The following EFEMP1 variants were observed in gnomAD, a reference collection of about 807,000 sequenced individuals.
The protein encoded by EFEMP1 is EGF-containing fibulin-like extracellular matrix protein 1.
In EFEMP1, 18 loss-of-function variants were observed where a neutral mutation model predicts 65.7. The observed-to-expected ratio is 0.27, with a 90% CI of 0.19 to 0.41. The LOEUF is 0.41. Among genes scored for constraint, EFEMP1 ranks in the 10% least tolerant of loss-of-function variants. The pLI, the probability that EFEMP1 is intolerant of heterozygous loss-of-function variation, is 1.00. For missense variants in EFEMP1, 469 were observed against 624.8 expected (o/e 0.75, Z 2.66); for synonymous variants, 237 against 219.7 (o/e 1.08, Z -0.70).
chr2:55,892,811 A>C lies in EFEMP1; in HGVS notation c.518-11077T>G, dbSNP rs150246847. Among the ~76,000 whole-genome samples the C allele has an allele frequency of 3.6e-4, 55 of 152,210 alleles. No homozygotes were observed. The East Asian group carries it at 8.5e-3, about 23-fold the overall frequency. Reference sequence around the variant, plus strand: ...GCCAAACTAAGTCAATCTTAAAGAGAATTTCTTGGCATGAATAAACGGATG... The same window carrying C: ...GCCAAACTAAGTCAATCTTAAAGAGCATTTCTTGGCATGAATAAACGGATG... On this transcript the variant is annotated intron_variant, in intron 5 of 11. Transcript: ENST00000355426.
rs918846609 is a variant in EFEMP1, at chr2:55,919,630, T to C, written c.82-1363A>G. ...AACAAATAAACTTAAATTCTTTTAA[T>C]ATAACTGAGAGCTGCTTATGTACAC... On this transcript the variant is annotated intron_variant, in intron 3 of 11. Coordinates refer to ENST00000355426, the MANE Select transcript of EFEMP1 (RefSeq NM_001039348.3). The surrounding 1 kb of genome is among the most constrained non-coding windows in gnomAD (Gnocchi z 4.5). 1.3e-5 allele frequency among the ~76,000 whole-genome samples: 2 copies of C among 152,180 alleles called. No individual in the cohort carries two copies. Among genetic ancestry groups the C allele is most frequent in the Non-Finnish European group, 2.9e-5 (2 of 68,038 alleles).
In EFEMP1 at chr2:55,870,944, GTT is replaced by G; in HGVS notation, c.1125-31_1125-30del. ...CAGAGACAAACAAAAGTATTCAGCA[GTT>G]TGGCTTGGTAAGACCAGAAAATCCT... is the stretch of plus-strand genomic sequence containing the variant. On this transcript the variant is annotated intron_variant, in intron 10 of 11. Transcript: ENST00000355426. This position sits in a 1 kb window ranked among gnomAD's most constrained non-coding sequence, Gnocchi z 5.8. 1 of 1,613,738 alleles carries G rather than the reference GTT, an allele frequency of 6.2e-7. No homozygotes were observed. The highest frequency in any genetic ancestry group is 8.5e-7 in the Non-Finnish European group (1 of 1,179,772).
chr2:55,877,902 T>C lies in EFEMP1; in HGVS notation c.641-37A>G. 1 of 1,610,500 alleles carries C rather than the reference T, an allele frequency of 6.2e-7. No homozygotes were observed. The highest frequency in any genetic ancestry group is 1.1e-5 in the South Asian group (1 of 90,896). On this transcript the variant is annotated intron_variant, in intron 6 of 11. Coordinates refer to ENST00000355426, the MANE Select transcript of EFEMP1 (RefSeq NM_001039348.3). The surrounding 1 kb of genome is among the most constrained non-coding windows in gnomAD (Gnocchi z 4.5). ...GGCACACACACAAAGAGAACCAAAT[T>C]ATTGAATTAGCATTCTCTGAAAAGC...
Position 55,866,648 on chromosome 2 carries a change from C to T in EFEMP1, c.*425G>A, listed in dbSNP as rs1400583942. The stretch of plus-strand genomic sequence containing the variant: ...TATCTTTATTGACCTTTTCCATTTT[C>T]TTACAAAGCAGTTAAAAACTCATTC... On this transcript the variant is annotated 3_prime_UTR_variant, in exon 12 of 12. Transcript: ENST00000355426. 1 of 162,828 alleles carries T rather than the reference C, an allele frequency of 6.1e-6. No homozygotes were observed. Among genetic ancestry groups the T allele is most frequent in the Admixed American group, 5.9e-5 (1 of 16,816 alleles). 10.1% of individuals were successfully genotyped at this position (162,828 alleles called of 1,614,324 possible).
chr2:55,922,600 C>T lies in EFEMP1; in HGVS notation c.-7-153G>A. 1 of 722,566 alleles carries T rather than the reference C, an allele frequency of 1.4e-6. No homozygotes were observed. The highest frequency in any genetic ancestry group is 2.4e-6 in the Non-Finnish European group (1 of 421,896). 44.8% of individuals were successfully genotyped at this position (722,566 alleles called of 1,614,324 possible). On this transcript the variant is annotated intron_variant, in intron 2 of 11. Transcript: ENST00000355426. This position sits in a 1 kb window ranked among gnomAD's most constrained non-coding sequence, Gnocchi z 5.5. The stretch of plus-strand genomic sequence containing the variant: ...AATCTGCTTTCTCATCTCCCCTCCC[C>T]CTCCTGAACCTTCTCGGTAGCCAAC...
At chr2:55,892,951 A>G (rs145787567) in intron 5 of EFEMP1, among the ~76,000 whole-genome samples, 3,066 of 152,300 alleles carry the variant, frequency 0.02, 177 homozygotes, top group Admixed American at 0.13. Context: ...AAGAAAATGG[A>G]AAAATTGAGC....
intron 5 of EFEMP1, among the ~76,000 whole-genome samples, chr2:55,914,094 A>C (rs903724885): frequency 1.3e-5 from 2 of 152,224 alleles, no homozygotes; most frequent in African/African-American, 4.8e-5. Context: ...TTCCCCATTC[A>C]TTCAACTTCT....
chr2:55,889,179 C>G (rs1669542670), intron 5 of EFEMP1, among the ~76,000 whole-genome samples: 2 of 152,194 alleles, frequency 1.3e-5, no homozygotes, highest in South Asian at 4.1e-4. Flanking sequence ...CGCATAAGCC[C>G]CTGACTATGG....
Position 55,920,186 on chromosome 2 carries a change from C to G in EFEMP1, c.82-1919G>C, listed in dbSNP as rs1338035243. Among the ~76,000 whole-genome samples the G allele has an allele frequency of 3.9e-5, 6 of 152,304 alleles. 1 individual carries two copies. Among genetic ancestry groups the G allele is most frequent in the African/African-American group, 1.4e-4 (6 of 41,562 alleles). On this transcript the variant is annotated intron_variant, in intron 3 of 11. Coordinates refer to ENST00000355426, the MANE Select transcript of EFEMP1 (RefSeq NM_001039348.3). ...CTCTCTGACTCAGGTGCCTCTTCAG[C>G]CTTTCTAGATCAATCCAACCAAGGT...
intron 5 of EFEMP1, among the ~76,000 whole-genome samples, chr2:55,892,414 G>A (rs907855016): frequency 5.3e-5 from 8 of 151,876 alleles, no homozygotes; most frequent in African/African-American, 1.9e-4. Context: ...GCTTTCTTGG[G>A]GCCATGGTCA....
chr2:55,895,677 G>C (rs929398930), intron 5 of EFEMP1, among the ~76,000 whole-genome samples: 1 of 151,992 alleles, frequency 6.6e-6, no homozygotes, highest in Admixed American at 6.5e-5. Flanking sequence ...GAGTAGCTGG[G>C]ACTACAGGCG....
chr2:55,885,481 T>C lies in EFEMP1; in HGVS notation c.518-3747A>G, dbSNP rs1669391700. Among the ~76,000 whole-genome samples, 2 of 152,236 alleles carry C rather than the reference T, an allele frequency of 1.3e-5. No individual in the cohort carries two copies. The highest frequency in any genetic ancestry group is 1.3e-4 in the Admixed American group (2 of 15,286). ...GAACTATGTAGACAGAGCCTAATGT[T>C]AACATTACCAAAGAACAAAATAATA... is the stretch of plus-strand genomic sequence containing the variant. On this transcript the variant is annotated intron_variant, in intron 5 of 11. Coordinates refer to ENST00000355426, the MANE Select transcript of EFEMP1 (RefSeq NM_001039348.3). The surrounding 1 kb of genome is among the most constrained non-coding windows in gnomAD (Gnocchi z 4.3).
chr2:55,904,697 A>G (rs560170440), intron 5 of EFEMP1, among the ~76,000 whole-genome samples: 3 of 152,292 alleles, frequency 2.0e-5, no homozygotes, highest in Admixed American at 1.3e-4. Flanking sequence ...GACTTACACT[A>G]GCAGTTCCCA....
intron 5 of EFEMP1, among the ~76,000 whole-genome samples, chr2:55,908,883 T>G (rs1670380305): frequency 6.6e-6 from 1 of 152,178 alleles, no homozygotes; most frequent in African/African-American, 2.4e-5. Flanking sequence ...AATGGCTTAT[T>G]GGAAAATAAA....
At position 55,877,644 on chromosome 2, in the gene EFEMP1, G is replaced by A; in HGVS notation, c.760+102C>T. The A allele has an allele frequency of 6.5e-7, 1 of 1,546,158 alleles. No individual in the cohort carries two copies. The highest frequency in any genetic ancestry group is 8.9e-7 in the Non-Finnish European group (1 of 1,124,052). On this transcript the variant is annotated intron_variant, in intron 7 of 11. Coordinates refer to ENST00000355426, the MANE Select transcript of EFEMP1 (RefSeq NM_001039348.3). The surrounding 1 kb of genome is among the most constrained non-coding windows in gnomAD (Gnocchi z 4.5). ...TTATGATTGCTGAAGGGAAGTCGATGGAAACTATTTACTCAAGAACATAGA... is the reference window on the plus strand; with the variant it reads ...TTATGATTGCTGAAGGGAAGTCGATAGAAACTATTTACTCAAGAACATAGA...
In EFEMP1 at chr2:55,877,066, A is replaced by G. The variant is rs752111713; in HGVS notation, c.761-324T>C. Among the ~76,000 whole-genome samples the G allele has an allele frequency of 9.9e-5, 15 of 152,134 alleles. No homozygotes were observed. The highest frequency in any genetic ancestry group is 1.9e-4 in the Non-Finnish European group (13 of 68,022). The stretch of plus-strand genomic sequence containing the variant: ...GCTTCTAATAAATATACACTCCGGT[A>G]TCGATTTTCTTTTGTTGTTCAGATA... On this transcript the variant is annotated intron_variant, in intron 7 of 11. Coordinates refer to ENST00000355426, the MANE Select transcript of EFEMP1 (RefSeq NM_001039348.3). This position sits in a 1 kb window ranked among gnomAD's most constrained non-coding sequence, Gnocchi z 4.5.
At chr2:55,874,912 A>G (rs979557875) in intron 9 of EFEMP1, 34 bp downstream of exon 9, 2 of 1,577,898 alleles carry the variant, frequency 1.3e-6, no homozygotes, top group Non-Finnish European at 1.7e-6. Flanking sequence ...GCTAAAACTA[A>G]ATACCTAACA....
rs1406034497 is a variant in EFEMP1, at chr2:55,876,729, A to T, written c.774T>A (p.Cys258Ter). ...NNYTCVDINE[C>*]DASNQCAQQC... ...GCTGAGCACATTGATTGCTGGCATCACATTCATTTATATCTGAAAAAAAGT... is the reference window on the plus strand; with the variant it reads ...GCTGAGCACATTGATTGCTGGCATCTCATTCATTTATATCTGAAAAAAAGT... The change falls in exon 8 of 12, where the codon TGT becomes TGA. Residue 258 changes from cysteine to a stop codon, truncating the protein, a stop_gained. Transcript: ENST00000355426. LOFTEE classifies it high-confidence loss of function. The T allele has an allele frequency of 6.2e-7, 1 of 1,607,648 alleles. No homozygotes were observed. Among genetic ancestry groups the T allele is most frequent in the Non-Finnish European group, 8.5e-7 (1 of 1,176,222 alleles).
chr2:55,899,635 G>C (rs1669957668), intron 5 of EFEMP1, among the ~76,000 whole-genome samples: 1 of 152,136 alleles, frequency 6.6e-6, no homozygotes, highest in Admixed American at 6.5e-5. Context: ...ACCAGAAACA[G>C]GCTCTTTTGG....
Sources: allele counts gnomAD v4.1 joint callset (sites outside exome capture counted in the v4.1 genomes callset), GRCh38; gene constraint gnomAD v4.1.1; non-coding constraint Gnocchi (gnomAD v3.1); transcripts MANE v1.5; gene names NCBI Gene and HGNC (gene_info 2026-07-23, HGNC 2026-07-21).